Variants in SERPINE2 observed in about 807,000 individuals in gnomAD.
SERPINE2 encodes the protein serpin family E member 2, also known as glia-derived nexin.
SERPINE2 carries 14 observed loss-of-function variants against 36.3 expected under a neutral mutation model. That is an observed-to-expected ratio of 0.39 (90% confidence interval 0.25 to 0.60). The LOEUF is 0.60. Ranked by LOEUF, SERPINE2 falls within the 20% of genes least tolerant of loss-of-function variation. The probability of loss-of-function intolerance (pLI) is 0.57; values close to 1 mark genes in which losing one functional copy is unlikely to be tolerated. For synonymous variants in SERPINE2, 192 were observed against 191.8 expected (o/e 1.00, Z -0.01); for missense variants, 418 against 499.6 (o/e 0.84, Z 1.56).
rs1266976039 is a variant in SERPINE2 at position 223,992,083 on chromosome 2, T to C, written c.488-83A>G. 7.6e-6 allele frequency: 9 copies of C among 1,178,036 alleles called. No homozygotes were observed. In the East Asian group the frequency reaches 2.2e-4, roughly 29 times the overall value. The allele number at this position is 1,178,036 out of a possible 1,614,324, so 73.0% of individuals were successfully genotyped here. Reference sequence around the variant, plus strand: ...AGGGCAAATGGCAGCTGTCATCAGGTAGACTGAAAAATCAAAGGATTTTTA... The same window carrying C: ...AGGGCAAATGGCAGCTGTCATCAGGCAGACTGAAAAATCAAAGGATTTTTA... On this transcript the variant is annotated intron_variant, in intron 3 of 8. Coordinates refer to ENST00000409304, the MANE Select transcript of SERPINE2 (RefSeq NM_001136528.2).
chr2:224,000,287 G>C (rs1299914635), intron 2 of SERPINE2, among the ~76,000 whole-genome samples: 1 of 152,194 alleles, frequency 6.6e-6, no homozygotes, highest in Non-Finnish European at 1.5e-5. Flanking sequence ...TGGCCAGGAA[G>C]AGGGGGGGAG....
At chr2:224,015,615 AG>A in intron 1 of SERPINE2, among the ~76,000 whole-genome samples, 2 of 152,232 alleles carry the variant, frequency 1.3e-5, no homozygotes, top group Non-Finnish European at 2.9e-5. Flanking sequence ...GACATACTGC[AG>A]AACCCAACCG....
At chr2:224,018,638 T>G (rs530114759) in intron 1 of SERPINE2, among the ~76,000 whole-genome samples, 1 of 151,876 alleles carries the variant, frequency 6.6e-6, no homozygotes, top group African/African-American at 2.4e-5. Context: ...GAAAGATATA[T>G]AGAAGTCCCT....
intron 4 of SERPINE2, among the ~76,000 whole-genome samples, chr2:223,987,821 T>C (rs1195193449): frequency 6.6e-6 from 1 of 152,166 alleles, no homozygotes; most frequent in Non-Finnish European, 1.5e-5. Flanking sequence ...CTCACTGAAA[T>C]GTTAAGAGCT....
rs1326546112 is a variant in SERPINE2 at position 223,991,959 on chromosome 2, C to G, written c.529G>C (p.Val177Leu). 6.2e-7 allele frequency: 1 copy of G among 1,613,702 alleles called. No individual in the cohort carries two copies. Among genetic ancestry groups the G allele is most frequent in the Non-Finnish European group, 8.5e-7 (1 of 1,179,874 alleles). The change falls in exon 4 of 9, where the codon GTG becomes CTG. Residue 177 changes from valine (V) to leucine (L), a missense_variant. Transcript: ENST00000409304. ...TTGACGAGGACCAGTCTGGTGAGCA[C>G]ACCATCAATAAGATCTGGGGACAGC... ...NLLSPDLIDG[V>L]LTRLVLVNAV...
intron 7 of SERPINE2, 102 bp downstream of exon 7, chr2:223,980,209 G>T: frequency 1.0e-6 from 1 of 953,376 alleles, no homozygotes; most frequent in Non-Finnish European, 1.7e-6. Flanking sequence ...ACACTGCCTG[G>T]CTGGAAAGAG....
At chr2:223,976,797 A>G (rs1291457459) in intron 8 of SERPINE2, among the ~76,000 whole-genome samples, 1 of 152,242 alleles carries the variant, frequency 6.6e-6, no homozygotes, top group Non-Finnish European at 1.5e-5. Context: ...TGTATTAACA[A>G]TTCCCAAGGT....
intron 2 of SERPINE2, among the ~76,000 whole-genome samples, chr2:224,001,197 G>A (rs1282262205): frequency 6.6e-6 from 1 of 152,038 alleles, no homozygotes; most frequent in Admixed American, 6.6e-5. Context: ...AGATTTGTGT[G>A]GCCACCACCA....
At chr2:224,018,855 C>G (rs1209907468) in intron 1 of SERPINE2, among the ~76,000 whole-genome samples, 1 of 152,206 alleles carries the variant, frequency 6.6e-6, no homozygotes, top group African/African-American at 2.4e-5. Context: ...ATCCACCCCT[C>G]TCAAGCTCCT....
At chr2:224,001,570 C>T (rs898961416) in intron 2 of SERPINE2, 72 bp downstream of exon 2, 2 of 1,529,184 alleles carry the variant, frequency 1.3e-6, no homozygotes, top group African/African-American at 2.7e-5. Flanking sequence ...TCAGCAAAAA[C>T]CAAGCCATAA....
rs146589638 is a variant in SERPINE2 at position 223,991,679 on chromosome 2, T to G, written c.685+124A>C. On this transcript the variant is annotated intron_variant, in intron 4 of 8. Transcript: ENST00000409304. ...ATAAAAATCCTGCCTCTCAGCACCC[T>G]GCTCTGTTCCCCAGTTTTTTAAAAG... 92 of 996,386 alleles carry G rather than the reference T, an allele frequency of 9.2e-5. No homozygotes were observed. In the African/African-American group the frequency reaches 1.4e-3, roughly 15 times the overall value. 61.7% of individuals were successfully genotyped at this position (996,386 alleles called of 1,614,324 possible).
At position 223,997,639 on chromosome 2, in the gene SERPINE2, AGTT is replaced by A. The variant is rs544364179; in HGVS notation, c.487+473_487+475del. 5.5e-3 allele frequency among the ~76,000 whole-genome samples: 841 copies of A among 152,320 alleles called. 8 individuals are homozygous for A. The highest frequency in any genetic ancestry group is 0.019 in the African/African-American group (788 of 41,558). ...AGGGCTGTAATCGGGGGGGTGTAAA[AGTT>A]GTAATCATGTGCCAATCATAACGGA... is the stretch of plus-strand genomic sequence containing the variant. On this transcript the variant is annotated intron_variant, in intron 3 of 8. Coordinates refer to ENST00000409304, the MANE Select transcript of SERPINE2 (RefSeq NM_001136528.2).
At chr2:224,028,893 G>C (rs1692272018) in intron 1 of SERPINE2, among the ~76,000 whole-genome samples, 1 of 152,198 alleles carries the variant, frequency 6.6e-6, no homozygotes, top group Non-Finnish European at 1.5e-5. Context: ...AAGGTAGAGA[G>C]CAGTACACAA....
intron 1 of SERPINE2, chr2:224,038,751 G>A (rs932706719): frequency 3.7e-6 from 2 of 546,462 alleles, no homozygotes; most frequent in African/African-American, 3.8e-5. Context: ...GGCCGGCTCG[G>A]ATGGCCGGGC....
intron 7 of SERPINE2, chr2:223,979,163 C>T (rs1214739964): frequency 1.3e-5 from 2 of 152,178 alleles, no homozygotes; most frequent in African/African-American, 2.4e-5. Flanking sequence ...TGGGCGGTTA[C>T]ATGGGGCCCT....
chr2:224,022,743 C>G (rs2396038), intron 1 of SERPINE2, among the ~76,000 whole-genome samples: 2 of 152,056 alleles, frequency 1.3e-5, no homozygotes, highest in African/African-American at 4.8e-5. Flanking sequence ...ATGGTACTTA[C>G]CAATTGATAT....
Position 224,028,586 on chromosome 2 carries a change from C to T in SERPINE2, c.-23+10513G>A, listed in dbSNP as rs146359701. Among the ~76,000 whole-genome samples the T allele has an allele frequency of 2.4e-4, 37 of 152,238 alleles. No individual in the cohort carries two copies. In the East Asian group the frequency reaches 5.4e-3, roughly 22 times the overall value. ...AGAGACACAGACCCGGAGTCTATATCCCATCAGTGGGAATCGGAGCCGGGT... is the reference window on the plus strand; with the variant it reads ...AGAGACACAGACCCGGAGTCTATATTCCATCAGTGGGAATCGGAGCCGGGT... On this transcript the variant is annotated intron_variant, in intron 1 of 8. Coordinates refer to ENST00000409304, the MANE Select transcript of SERPINE2 (RefSeq NM_001136528.2).
intron 1 of SERPINE2, among the ~76,000 whole-genome samples, chr2:224,017,828 T>A (rs941175373): frequency 6.6e-6 from 1 of 152,202 alleles, no homozygotes; most frequent in Non-Finnish European, 1.5e-5. Context: ...TTTACCACCA[T>A]CATCACGAAG....
rs755793429 is a variant in SERPINE2 at position 224,001,920 on chromosome 2, G to T, written c.-20C>A. 6.2e-7 allele frequency: 1 copy of T among 1,601,098 alleles called. No individual in the cohort carries two copies. The highest frequency in any genetic ancestry group is 8.5e-7 in the Non-Finnish European group (1 of 1,171,790). On this transcript the variant is annotated splice_region_variant and 5_prime_UTR_variant, in exon 2 of 9. Coordinates refer to ENST00000409304, the MANE Select transcript of SERPINE2 (RefSeq NM_001136528.2). ...GTTCATGGTTCCTTCCACCAAGGAC[G>T]ACCTGGAAAAGTAAGTTAAAAAATA...
Sources: gnomAD v4.1 joint callset for allele counts (sites outside exome capture counted in the v4.1 genomes callset) on GRCh38, gnomAD v4.1.1 for gene constraint, MANE v1.5 for transcripts, NCBI Gene and HGNC (gene_info 2026-07-23, HGNC 2026-07-21) for gene names.